The following SCAMP1 variants were observed in gnomAD, a reference collection of about 807,000 sequenced individuals.
The protein encoded by SCAMP1 is secretory carrier membrane protein 1, also known as secretory carrier-associated membrane protein 1.
A neutral mutation model predicts 41.8 loss-of-function variants in SCAMP1; 15 were observed. The ratio of observed to expected loss-of-function variants is 0.36; its 90% CI spans 0.24 to 0.55. The LOEUF (loss-of-function observed/expected upper bound fraction) is 0.55. SCAMP1 is among the 20% of genes least tolerant of loss of function. SCAMP1 has a pLI of 0.86. For synonymous variants in SCAMP1, 135 were observed against 136.8 expected, an observed-to-expected ratio of 0.99 and a Z score of 0.09; for missense variants, 341 against 412.6, an observed-to-expected ratio of 0.83 and a Z score of 1.50.
intron 6 of SCAMP1, among the ~76,000 whole-genome samples, chr5:78,424,868 TAGAAAC>T (rs1315143241): frequency 3.9e-5 from 6 of 152,222 alleles, no homozygotes; most frequent in Non-Finnish European, 7.3e-5. Context: ...GAGTAACTAT[TAGAAAC>T]AGACTGAGAA....
At chr5:78,474,961 A>G (rs967189124) in intron 8 of SCAMP1, among the ~76,000 whole-genome samples, 2 of 152,186 alleles carry the variant, frequency 1.3e-5, no homozygotes, top group African/African-American at 2.4e-5. Flanking sequence ...GGACTTGACC[A>G]TACACAAAAA....
chr5:78,413,087 A>G (rs1304359766), intron 2 of SCAMP1, among the ~76,000 whole-genome samples: 3 of 152,134 alleles, frequency 2.0e-5, no homozygotes, highest in African/African-American at 4.8e-5. Flanking sequence ...TTGCTTTTTC[A>G]GTTTTAGATC....
intron 6 of SCAMP1, among the ~76,000 whole-genome samples, chr5:78,447,324 A>G (rs1396385649): frequency 6.6e-6 from 1 of 151,718 alleles, no homozygotes; most frequent in Non-Finnish European, 1.5e-5. Context: ...AAAAAGAACA[A>G]TAAAGTTGAT....
At chr5:78,377,159 C>A (rs1751085642) in intron 1 of SCAMP1, among the ~76,000 whole-genome samples, 2 of 152,060 alleles carry the variant, frequency 1.3e-5, no homozygotes, top group Admixed American at 6.6e-5. Flanking sequence ...GTGAAAACTT[C>A]TGTAACACAA....
chr5:78,416,411 A>G, intron 3 of SCAMP1, 130 bp from the exon 4 acceptor site: 1 of 609,488 alleles, frequency 1.6e-6, no homozygotes, highest in Admixed American at 3.6e-5. Context: ...GATCTTCAGT[A>G]AATTCCTGTA....
intron 8 of SCAMP1, among the ~76,000 whole-genome samples, chr5:78,468,000 A>G (rs925751988): frequency 6.6e-6 from 1 of 152,022 alleles, no homozygotes; most frequent in African/African-American, 2.4e-5. Context: ...CACGGTTTTG[A>G]CTCTAGAATT....
intron 2 of SCAMP1, among the ~76,000 whole-genome samples, chr5:78,398,341 C>G (rs1034926116): frequency 1.5e-4 from 22 of 143,560 alleles, no homozygotes; most frequent in Non-Finnish European, 3.0e-4. Flanking sequence ...TATAGTTTAT[C>G]CTAGGGTTCA....
chr5:78,421,914 C>T lies in SCAMP1; in HGVS notation c.586C>T (p.Pro196Ser). 6.2e-7 allele frequency: 1 copy of T among 1,613,640 alleles called. No individual in the cohort carries two copies. The highest frequency in any genetic ancestry group is 8.5e-7 in the Non-Finnish European group (1 of 1,179,756). Reference protein sequence around the residue: ...LSILWFLLFTPCSFVCWYRPL... With the variant: ...LSILWFLLFTSCSFVCWYRPL... ...TATCCTGTGGTTCTTGCTTTTTACT[C>T]CTTGTTCATTTGTCTGTTGGTACAG... Residue 196 changes from proline to serine, a missense_variant, in exon 6 of 9, where the codon CCT becomes TCT. Coordinates refer to ENST00000621999, the MANE Select transcript of SCAMP1 (RefSeq NM_004866.6).
chr5:78,398,854 A>T (rs1181570485), intron 2 of SCAMP1, among the ~76,000 whole-genome samples: 1 of 152,048 alleles, frequency 6.6e-6, no homozygotes, highest in Non-Finnish European at 1.5e-5. Context: ...CCCAGCGTTC[A>T]TTCTTGATGT....
intron 2 of SCAMP1, among the ~76,000 whole-genome samples, chr5:78,394,990 T>C (rs144028952): frequency 4.6e-5 from 7 of 152,348 alleles, no homozygotes; most frequent in African/African-American, 1.7e-4. Flanking sequence ...TATCTAGTTA[T>C]CTACTTCCAG....
At chr5:78,398,710 C>CT (rs1183544282) in intron 2 of SCAMP1, among the ~76,000 whole-genome samples, 1 of 151,518 alleles carries the variant, frequency 6.6e-6, no homozygotes, top group Non-Finnish European at 1.5e-5. Context: ...CACCCGCCTA[C>CT]TTTTTTGTAT....
At chr5:78,460,935 A>T (rs891825867) in intron 8 of SCAMP1, among the ~76,000 whole-genome samples, 35 of 151,694 alleles carry the variant, frequency 2.3e-4, no homozygotes, top group African/African-American at 8.5e-4. Flanking sequence ...AGCTCATTGC[A>T]ATCTCCACCT....
intron 6 of SCAMP1, among the ~76,000 whole-genome samples, chr5:78,447,659 GAAA>G (rs986934396): frequency 1.2e-4 from 18 of 148,882 alleles, no homozygotes; most frequent in Non-Finnish European, 7.5e-5. Context: ...AAAAAAACAG[GAAA>G]AAAAAAATCT....
At chr5:78,375,896 T>C (rs924966921) in intron 1 of SCAMP1, among the ~76,000 whole-genome samples, 1 of 152,204 alleles carries the variant, frequency 6.6e-6, no homozygotes, top group African/African-American at 2.4e-5. Context: ...ATATGCAATT[T>C]AAAATTTTCT....
At chr5:78,442,312 C>A (rs963780131) in intron 6 of SCAMP1, among the ~76,000 whole-genome samples, 1 of 152,040 alleles carries the variant, frequency 6.6e-6, no homozygotes, top group African/African-American at 2.4e-5. Flanking sequence ...TCTCTGTTGC[C>A]CAAGCTAGGG....
chr5:78,449,527 G>A (rs563166191), intron 6 of SCAMP1, among the ~76,000 whole-genome samples: 1 of 152,336 alleles, frequency 6.6e-6, no homozygotes, highest in Non-Finnish European at 1.5e-5. Context: ...GCTCATCATA[G>A]TGATTGGGGA....
At chr5:78,422,051 A>G in intron 6 of SCAMP1, 91 bp downstream of exon 6, 3 of 1,120,056 alleles carry the variant, frequency 2.7e-6, no homozygotes, top group Non-Finnish European at 3.8e-6. Context: ...ATGCATTTTC[A>G]TTAAAAAATT....
In SCAMP1 at chr5:78,411,859, ATTGCTACATGTACTAGTG is replaced by A. The variant is rs1166228470; in HGVS notation, c.136-3659_136-3642del. On this transcript the variant is annotated intron_variant, in intron 2 of 8. Transcript: ENST00000621999. ...ACATAATGCCAAATTGTGCTCCAGGATTGCTACATGTACTAGTGTATAATCCCACTTTTCAGTGTGTGA... is the reference window on the plus strand; with the variant it reads ...ACATAATGCCAAATTGTGCTCCAGGATATAATCCCACTTTTCAGTGTGTGA... Among the ~76,000 whole-genome samples the A allele has an allele frequency of 2.0e-5, 3 of 152,246 alleles. No homozygotes were observed. The South Asian group carries it at 6.2e-4, about 32-fold the overall frequency.
intron 8 of SCAMP1, among the ~76,000 whole-genome samples, chr5:78,460,638 A>G (rs1246270702): frequency 2.0e-5 from 3 of 150,492 alleles, no homozygotes; most frequent in Non-Finnish European, 4.4e-5. Flanking sequence ...TACATTCTGG[A>G]TATTAGTCCT....
Sources: allele counts gnomAD v4.1 joint callset (sites outside exome capture counted in the v4.1 genomes callset), GRCh38; gene constraint gnomAD v4.1.1; transcripts MANE v1.5; gene names NCBI Gene and HGNC (gene_info 2026-07-23, HGNC 2026-07-21).